The following CCDC148 variants were observed in gnomAD, a reference collection of about 807,000 sequenced individuals.
CCDC148 encodes coiled-coil domain-containing protein 148.
CCDC148 carries 89 observed loss-of-function variants against 85.7 expected under a neutral mutation model. That is an observed-to-expected ratio of 1.04 (90% CI 0.87 to 1.24). The LOEUF (loss-of-function observed/expected upper bound fraction) is 1.24. Ranked by LOEUF, CCDC148 falls within the 50% of genes most tolerant of loss-of-function variation. The pLI is 0.00. For synonymous variants in CCDC148, 230 were observed against 213.9 expected (o/e 1.08, Z -0.66); for missense variants, 692 against 671.7 (o/e 1.03, Z -0.33).
chr2:158,211,326 C>T (rs139590348), intron 11 of CCDC148, among the ~76,000 whole-genome samples: 1 of 152,136 alleles, frequency 6.6e-6, no homozygotes, highest in South Asian at 2.1e-4. Context: ...GATCACAGCA[C>T]CTAGATGTTC....
chr2:158,220,671 T>C lies in CCDC148; in HGVS notation c.1294A>G (p.Met432Val), dbSNP rs371163352. 5.0e-6 allele frequency: 8 copies of C among 1,592,430 alleles called. No homozygotes were observed. The highest frequency in any genetic ancestry group is 5.1e-6 in the Non-Finnish European group (6 of 1,175,130). ...AGACGCTGAAGATCTCTCATTTCCA[T>C]TTCTTGCCACTTCTGTTTTTTCTTG... ...WAKKKQKWQEMEMRDLQRLEE... is the reference protein window; with the variant it reads ...WAKKKQKWQEVEMRDLQRLEE... The change falls in exon 11 of 14, where the codon ATG (methionine) becomes GTG (valine). Residue 432 changes from methionine (M) to valine (V), a missense_variant. Coordinates refer to ENST00000283233, the MANE Select transcript of CCDC148 (RefSeq NM_138803.4).
At chr2:158,272,828 T>C (rs1003303953) in intron 9 of CCDC148, among the ~76,000 whole-genome samples, 1 of 152,196 alleles carries the variant, frequency 6.6e-6, no homozygotes, top group African/African-American at 2.4e-5. Context: ...TCATCCACCA[T>C]AAAAACTCCT....
At chr2:158,313,642 G>T in intron 8 of CCDC148, 114 bp downstream of exon 8, 1 of 1,062,612 alleles carries the variant, frequency 9.4e-7, no homozygotes, top group Non-Finnish European at 1.3e-6. Context: ...TTTTCTAGAG[G>T]GTAGGAAAAA....
At chr2:158,327,733 C>CAT (rs2105227571) in intron 7 of CCDC148, among the ~76,000 whole-genome samples, 1 of 152,202 alleles carries the variant, frequency 6.6e-6, no homozygotes, top group East Asian at 1.9e-4. Context: ...TCGTTAAATT[C>CAT]ATATATTGAT....
intron 2 of CCDC148, among the ~76,000 whole-genome samples, chr2:158,357,705 G>T (rs866727404): frequency 1.5e-4 from 23 of 152,192 alleles, no homozygotes; most frequent in African/African-American, 5.3e-4. Flanking sequence ...CTCCAGAATA[G>T]AGTATCAAAT....
intron 7 of CCDC148, among the ~76,000 whole-genome samples, chr2:158,336,093 C>T (rs1043826441): frequency 2.6e-5 from 4 of 152,272 alleles, no homozygotes; most frequent in African/African-American, 2.4e-5. Context: ...CTTCCACATA[C>T]ATGAACACAA....
chr2:158,443,515 A>AAAAAAAAAAAAAAAAAAAAAGAAAAG (rs1553524474), intron 1 of CCDC148, among the ~76,000 whole-genome samples: 5 of 100,896 alleles, frequency 5.0e-5, no homozygotes, highest in Non-Finnish European at 6.1e-5. Context: ...AAAAAAAAAA[A>AAAAAAAAAAAAAAAAAAAAAGAAAAG]AAAAAAAAGA....
chr2:158,359,712 G>A (rs774658363), intron 1 of CCDC148, among the ~76,000 whole-genome samples: 3 of 152,154 alleles, frequency 2.0e-5, no homozygotes, highest in Non-Finnish European at 4.4e-5. Context: ...TTCCTCAAAT[G>A]CCTATGCCAC....
At chr2:158,411,552 C>A (rs1289347247) in intron 1 of CCDC148, among the ~76,000 whole-genome samples, 1 of 151,862 alleles carries the variant, frequency 6.6e-6, no homozygotes, top group Admixed American at 6.6e-5. Context: ...ATTTCTATTC[C>A]TTTGTTGAAC....
At chr2:158,251,826 T>G (rs547725931) in intron 9 of CCDC148, among the ~76,000 whole-genome samples, 1 of 151,970 alleles carries the variant, frequency 6.6e-6, no homozygotes, top group East Asian at 1.9e-4. Context: ...TATGTATCTA[T>G]GCATAGAAAG....
At chr2:158,435,805 A>C (rs1013631603) in intron 1 of CCDC148, among the ~76,000 whole-genome samples, 7 of 152,158 alleles carry the variant, frequency 4.6e-5, no homozygotes, top group African/African-American at 1.7e-4. Flanking sequence ...ATAGAAAACA[A>C]AAAAAAGCAG....
intron 2 of CCDC148, among the ~76,000 whole-genome samples, chr2:158,353,774 A>G (rs1008420924): frequency 6.6e-6 from 1 of 152,056 alleles, no homozygotes; most frequent in African/African-American, 2.4e-5. Context: ...CAGAATATAC[A>G]TTTTTTTCAG....
At chr2:158,266,170 G>GC (rs1205804702) in intron 9 of CCDC148, among the ~76,000 whole-genome samples, 2 of 152,156 alleles carry the variant, frequency 1.3e-5, no homozygotes, top group Non-Finnish European at 2.9e-5. Flanking sequence ...ACTGTCTCCA[G>GC]CAGAGGCACA....
intron 1 of CCDC148, among the ~76,000 whole-genome samples, chr2:158,408,818 A>G (rs1047140432): frequency 6.6e-6 from 1 of 152,094 alleles, no homozygotes; most frequent in African/African-American, 2.4e-5. Context: ...AATAATGTCC[A>G]GGGTTCTATT....
chr2:158,370,225 G>A (rs1337212775), intron 1 of CCDC148, among the ~76,000 whole-genome samples: 1 of 151,986 alleles, frequency 6.6e-6, no homozygotes. Context: ...CAAACCATAC[G>A]TGCAGCACAT....
At chr2:158,330,687 G>A (rs909577681) in intron 7 of CCDC148, among the ~76,000 whole-genome samples, 1 of 151,978 alleles carries the variant, frequency 6.6e-6, no homozygotes, top group Non-Finnish European at 1.5e-5. Context: ...CAATTTCAGA[G>A]CCTGTTATTG....
At chr2:158,226,080 A>G (rs551023260) in intron 10 of CCDC148, among the ~76,000 whole-genome samples, 42 of 152,354 alleles carry the variant, frequency 2.8e-4, no homozygotes, top group East Asian at 2.5e-3. Flanking sequence ...AGCAGAAAAG[A>G]GAGAAGAATC....
At chr2:158,256,328 G>T (rs1689010252) in intron 9 of CCDC148, among the ~76,000 whole-genome samples, 1 of 151,628 alleles carries the variant, frequency 6.6e-6, no homozygotes, top group Admixed American at 6.6e-5. Flanking sequence ...GGAGGGACTG[G>T]ATCAGGTTAC....
At chr2:158,415,576 T>G (rs78157251) in intron 1 of CCDC148, among the ~76,000 whole-genome samples, 62 of 131,812 alleles carry the variant, frequency 4.7e-4, no homozygotes, top group South Asian at 1.2e-3. Flanking sequence ...AAAGTCCACA[T>G]TCCAAAGTCT....
Sources: gnomAD v4.1 joint callset for allele counts (sites outside exome capture counted in the v4.1 genomes callset) on GRCh38, gnomAD v4.1.1 for gene constraint, MANE v1.5 for transcripts, NCBI Gene and HGNC (gene_info 2026-07-23, HGNC 2026-07-21) for gene names.